The following BRD3 variants were observed in gnomAD, a reference collection of about 807,000 sequenced individuals.
BRD3 encodes bromodomain-containing protein 3.
A neutral mutation model predicts 66.8 loss-of-function variants in BRD3; 17 were observed. That is an observed-to-expected ratio of 0.25 (90% confidence interval 0.17 to 0.38). BRD3 has a LOEUF of 0.38. Among genes scored for constraint, BRD3 ranks in the 10% least tolerant of loss-of-function variants. The pLI is 1.00. For synonymous variants in BRD3, 421 were observed against 393.2 expected, an observed-to-expected ratio of 1.07 and a Z score of -0.84; for missense variants, 713 against 956.1, an observed-to-expected ratio of 0.75 and a Z score of 3.35.
rs369681171 is a variant in BRD3 at position 134,066,831 on chromosome 9, G to C, written c.-114+1114C>G. On this transcript the variant is annotated intron_variant, in intron 1 of 11. Coordinates refer to ENST00000303407, the MANE Select transcript of BRD3 (RefSeq NM_007371.4). ...CCCAGTATCTATTTCTGAGCAGAAA[G>C]CTTTCAACCAAAATTAAAGATCGCA... 1.6e-4 allele frequency among the ~76,000 whole-genome samples: 25 copies of C among 152,328 alleles called. No homozygotes were observed. The South Asian group carries it at 3.3e-3, about 20-fold the overall frequency.
intron 7 of BRD3, among the ~76,000 whole-genome samples, chr9:134,043,671 T>C (rs553864689): frequency 1.0e-3 from 157 of 152,232 alleles, no homozygotes; most frequent in African/African-American, 3.4e-3. Context: ...ACTGATAAAA[T>C]TGCACAATTG....
At chr9:134,066,916 C>A (rs1830671656) in intron 1 of BRD3, among the ~76,000 whole-genome samples, 1 of 152,226 alleles carries the variant, frequency 6.6e-6, no homozygotes, top group Non-Finnish European at 1.5e-5. Flanking sequence ...GTCCCTGCCC[C>A]CGGTGGGTCT....
chr9:134,035,733 C>T (rs1427957481), intron 10 of BRD3, among the ~76,000 whole-genome samples: 1 of 152,262 alleles, frequency 6.6e-6, no homozygotes, highest in Non-Finnish European at 1.5e-5. Flanking sequence ...AGCCCAGCCC[C>T]AGAGTCGCGC....
At chr9:134,042,688 C>T (rs1588279837) in intron 7 of BRD3, among the ~76,000 whole-genome samples, 2 of 134,986 alleles carry the variant, frequency 1.5e-5, no homozygotes, top group Admixed American at 7.6e-5. Context: ...TACACACACA[C>T]ACATATACAC....
At chr9:134,066,070 A>G (rs1473891833) in intron 1 of BRD3, among the ~76,000 whole-genome samples, 2 of 152,204 alleles carry the variant, frequency 1.3e-5, no homozygotes, top group African/African-American at 4.8e-5. Flanking sequence ...TCTAAAAACA[A>G]AACAAAAATA....
chr9:134,043,488 C>T (rs1398345079), intron 7 of BRD3, among the ~76,000 whole-genome samples: 1 of 152,146 alleles, frequency 6.6e-6, no homozygotes, highest in African/African-American at 2.4e-5. Context: ...CAGGCTGGAC[C>T]CAGCTCTGGA....
chr9:134,030,910 T>A lies in BRD3; in HGVS notation c.*2680A>T, dbSNP rs913284950. On this transcript the variant is annotated 3_prime_UTR_variant, in exon 12 of 12. Coordinates refer to ENST00000303407, the MANE Select transcript of BRD3 (RefSeq NM_007371.4). ...TACTCCTCTCCCCTTGAAAAAAGCA[T>A]GTTAGAAGCTGCCCTACAGGTCTCA... 4.3e-6 allele frequency: 1 copy of A among 230,906 alleles called. No homozygotes were observed. Among genetic ancestry groups the A allele is most frequent in the Non-Finnish European group, 8.6e-6 (1 of 116,698 alleles). 14.3% of individuals were successfully genotyped at this position (230,906 alleles called of 1,614,324 possible).
At position 134,041,752 on chromosome 9, in the gene BRD3, G is replaced by C; in HGVS notation, c.1407+8C>G. Reference sequence around the variant, plus strand: ...CCCTGAACCCCACCCAAGCATGCCAGTGCCCACCTGCTCCTGCAGCTCCGC... The same window carrying C: ...CCCTGAACCCCACCCAAGCATGCCACTGCCCACCTGCTCCTGCAGCTCCGC... On this transcript the variant is annotated splice_region_variant and intron_variant, in intron 8 of 11. Transcript: ENST00000303407. 1 of 1,608,190 alleles carries C rather than the reference G, an allele frequency of 6.2e-7. No homozygotes were observed. The highest frequency in any genetic ancestry group is 8.5e-7 in the Non-Finnish European group (1 of 1,179,486).
chr9:134,042,227 A>G (rs1194523363), intron 7 of BRD3, among the ~76,000 whole-genome samples: 1 of 152,162 alleles, frequency 6.6e-6, no homozygotes, highest in Non-Finnish European at 1.5e-5. Flanking sequence ...AGCCCTCTCT[A>G]GAAGATGCAT....
chr9:134,050,922 T>C (rs924372923), intron 4 of BRD3, among the ~76,000 whole-genome samples: 1 of 152,130 alleles, frequency 6.6e-6, no homozygotes, highest in Non-Finnish European at 1.5e-5. Context: ...GTTCCCTAAG[T>C]AACAAGCTGA....
chr9:134,053,749 G>C, intron 1 of BRD3, 159 bp from the exon 2 acceptor site: 2 of 605,806 alleles, frequency 3.3e-6, no homozygotes, highest in Non-Finnish European at 5.4e-6. Flanking sequence ...AGAGGCTGTC[G>C]GGAAAGCTGC....
chr9:134,034,040 G>A (rs1190717908), intron 11 of BRD3, among the ~76,000 whole-genome samples: 1 of 152,130 alleles, frequency 6.6e-6, no homozygotes, highest in Non-Finnish European at 1.5e-5. Context: ...TGCCTGGGGC[G>A]TCCAAAGAGT....
At chr9:134,052,638 C>T (rs896251839) in intron 2 of BRD3, among the ~76,000 whole-genome samples, 195 bp from the exon 3 acceptor site, 1 of 152,200 alleles carries the variant, frequency 6.6e-6, no homozygotes, top group Admixed American at 6.5e-5. Context: ...CCCAACCTCT[C>T]TCCAGACCCC....
At chr9:134,042,272 G>C (rs2132399516) in intron 7 of BRD3, among the ~76,000 whole-genome samples, 1 of 152,236 alleles carries the variant, frequency 6.6e-6, no homozygotes, top group East Asian at 1.9e-4. Flanking sequence ...AAGCTCCCTG[G>C]GGCTGCCTCT....
chr9:134,041,659 A>AT (rs35250030), intron 8 of BRD3, 101 bp downstream of exon 8: 4 of 1,404,804 alleles, frequency 2.8e-6, no homozygotes, highest in Non-Finnish European at 2.9e-6. Flanking sequence ...GCTGAGGGAC[A>AT]GGGGCAGAGG....
At chr9:134,067,741 C>T (rs1300001073) in intron 1 of BRD3, among the ~76,000 whole-genome samples, 2 of 145,120 alleles carry the variant, frequency 1.4e-5, no homozygotes, top group Admixed American at 1.4e-4. Context: ...GCCGCCGCGA[C>T]CCCGGGCGGC....
At chr9:134,059,648 T>C (rs775220858) in intron 1 of BRD3, among the ~76,000 whole-genome samples, 13 of 152,188 alleles carry the variant, frequency 8.5e-5, no homozygotes, top group Non-Finnish European at 1.8e-4. Context: ...CCCTGGACAC[T>C]GGAGGGGCTG....
At chr9:134,034,444 CCTCTGT>C in intron 11 of BRD3, 1 of 479,918 alleles carries the variant, frequency 2.1e-6, no homozygotes. Context: ...CCTGGGGGGT[CCTCTGT>C]CTGTGGTGCC....
chr9:134,068,534 G>C (rs1319276982), upstream of BRD3: 3 of 150,540 alleles, frequency 2.0e-5, no homozygotes, highest in African/African-American at 7.3e-5. Context: ...TAATTAGCCT[G>C]GCGGGAGCGC....
Sources: allele counts gnomAD v4.1 joint callset (sites outside exome capture counted in the v4.1 genomes callset), GRCh38; gene constraint gnomAD v4.1.1; transcripts MANE v1.5; gene names NCBI Gene and HGNC (gene_info 2026-07-23, HGNC 2026-07-21).